Variants in RAB3GAP1 observed in about 807,000 individuals in gnomAD.
The protein encoded by RAB3GAP1 is rab3 GTPase-activating protein catalytic subunit.
A neutral mutation model predicts 130.7 loss-of-function variants in RAB3GAP1; 86 were observed. The ratio of observed to expected loss-of-function variants is 0.66; its 90% CI spans 0.55 to 0.79. The LOEUF (loss-of-function observed/expected upper bound fraction) is 0.79. Ranked by LOEUF, RAB3GAP1 falls within the 30% of genes least tolerant of loss-of-function variation. The pLI, the probability that RAB3GAP1 is intolerant of heterozygous loss-of-function variation, is 0.00. For synonymous variants in RAB3GAP1, 367 were observed against 401.7 expected (o/e 0.91, Z 1.03); for missense variants, 1,029 against 1,169.4 (o/e 0.88, Z 1.75).
At chr2:135,093,474 C>T (rs1299906245) in intron 4 of RAB3GAP1, 141 bp from the exon 5 acceptor site, 2 of 675,170 alleles carry the variant, frequency 3.0e-6, no homozygotes, top group Non-Finnish European at 5.3e-6. Context: ...TCCCTGTACT[C>T]AAGAGCTATC....
At chr2:135,117,741 TCTTCTTCTGCTTCTGCTTCTTCTGCTG>T (rs1691062743) in intron 7 of RAB3GAP1, among the ~76,000 whole-genome samples, 2 of 63,786 alleles carry the variant, frequency 3.1e-5, no homozygotes, top group Non-Finnish European at 7.4e-5. Context: ...TTCTTCTGCT[TCTTCTTCTGCTTCTGCTTCTTCTGCTG>T]CTTCTTCTGC....
intron 17 of RAB3GAP1, among the ~76,000 whole-genome samples, chr2:135,144,003 T>C (rs1023247454): frequency 2.0e-5 from 3 of 152,226 alleles, no homozygotes; most frequent in Non-Finnish European, 4.4e-5. Context: ...CTTTGCCCGC[T>C]GGGGCCCTCT....
At position 135,135,739 on chromosome 2, in the gene RAB3GAP1, C is replaced by T. The variant is rs1573584737; in HGVS notation, c.1730C>T (p.Ser577Phe). Reference sequence around the variant, plus strand: ...GGAGAGGTAGGAAAATCTTGGGATTCCTGGAGTGACAGCGAAGAAGAATTT... The same window carrying T: ...GGAGAGGTAGGAAAATCTTGGGATTTCTGGAGTGACAGCGAAGAAGAATTT... ...EKGEVGKSWD[S>F]WSDSEEEFFE... The change falls in exon 17 of 24, where the codon TCC (serine) becomes TTC (phenylalanine). Residue 577 changes from serine (S) to phenylalanine (F), a missense_variant. By Grantham distance (155) the Ser-to-Phe change is radical. Around this residue, in one of 3 missense-constraint regions of RAB3GAP1, gnomAD observed 373 missense variants for 493.6 expected, o/e 0.76. Coordinates refer to ENST00000264158, the MANE Select transcript of RAB3GAP1 (RefSeq NM_012233.3). 4 of 1,613,852 alleles carry T rather than the reference C, an allele frequency of 2.5e-6. No homozygotes were observed. The highest frequency in any genetic ancestry group is 2.2e-5 in the East Asian group (1 of 44,860).
rs1424938872 is a variant in RAB3GAP1 at position 135,081,355 on chromosome 2, TATATATACACAC to T, written c.151-9641_151-9630del. On this transcript the variant is annotated intron_variant, in intron 3 of 23. Coordinates refer to ENST00000264158, the MANE Select transcript of RAB3GAP1 (RefSeq NM_012233.3). ...ATATATATATATATATATATATATA[TATATATACACAC>T]ACGTGTGTGTGTGTATATATATATG... 3.4e-5 allele frequency among the ~76,000 whole-genome samples: 3 copies of T among 88,948 alleles called. 1 individual carries two copies. The highest frequency in any genetic ancestry group is 1.7e-4 in the African/African-American group (3 of 17,458). The allele number at this position is 88,948 out of a possible 152,430, so 58.4% of individuals were successfully genotyped here. A position where few individuals can be genotyped will look rare whatever the true frequency, so the allele number is the denominator to read the frequency against.
chr2:135,156,207 C>T (rs1194526483), intron 19 of RAB3GAP1, among the ~76,000 whole-genome samples: 1 of 152,018 alleles, frequency 6.6e-6, no homozygotes, highest in East Asian at 1.9e-4. Context: ...GGAACTGCCA[C>T]ATTAAAAAGA....
intron 19 of RAB3GAP1, among the ~76,000 whole-genome samples, chr2:135,157,058 G>T (rs1489270217): frequency 6.6e-6 from 1 of 152,036 alleles, no homozygotes; most frequent in East Asian, 1.9e-4. Flanking sequence ...AAAACAAAAC[G>T]CTCCTCAAAA....
At chr2:135,149,378 C>T (rs750034416) in intron 17 of RAB3GAP1, among the ~76,000 whole-genome samples, 9 of 152,136 alleles carry the variant, frequency 5.9e-5, no homozygotes, top group Admixed American at 2.0e-4. Flanking sequence ...TAGTATCTAT[C>T]GAGCATGTGC....
chr2:135,164,549 G>C (rs373627059), intron 22 of RAB3GAP1, 45 bp from the exon 23 acceptor site: 2 of 1,473,024 alleles, frequency 1.4e-6, no homozygotes, highest in Admixed American at 3.4e-5. Flanking sequence ...CAGTGGCCTG[G>C]ACAGCTCACT....
intron 2 of RAB3GAP1, among the ~76,000 whole-genome samples, chr2:135,052,914 G>A (rs1688920000): frequency 6.6e-6 from 1 of 152,180 alleles, no homozygotes; most frequent in Admixed American, 6.5e-5. Flanking sequence ...CCCTTTTCAG[G>A]AGGAAGTCTT....
At chr2:135,059,397 A>C (rs1290922335) in intron 3 of RAB3GAP1, among the ~76,000 whole-genome samples, 2 of 152,164 alleles carry the variant, frequency 1.3e-5, no homozygotes, top group Non-Finnish European at 2.9e-5. Flanking sequence ...AGTACCTGCT[A>C]TGTGCCTGAT....
At chr2:135,088,560 A>G (rs1690050805) in intron 3 of RAB3GAP1, among the ~76,000 whole-genome samples, 1 of 151,992 alleles carries the variant, frequency 6.6e-6, no homozygotes, top group Non-Finnish European at 1.5e-5. Flanking sequence ...GTGGTGGTGC[A>G]TGCCTGTAAT....
chr2:135,075,471 A>G (rs1689605253), intron 3 of RAB3GAP1, among the ~76,000 whole-genome samples: 1 of 152,166 alleles, frequency 6.6e-6, no homozygotes, highest in Non-Finnish European at 1.5e-5. Context: ...CATGTTTGCA[A>G]GATAGAACAT....
chr2:135,054,595 T>G (rs1688961885), intron 2 of RAB3GAP1, among the ~76,000 whole-genome samples: 1 of 152,190 alleles, frequency 6.6e-6, no homozygotes, highest in South Asian at 2.1e-4. Context: ...GTGAGAAGAT[T>G]TGAACCTGTT....
intron 3 of RAB3GAP1, chr2:135,058,870 G>C (rs990872327): frequency 2.0e-5 from 3 of 152,054 alleles, no homozygotes; most frequent in African/African-American, 7.2e-5. Flanking sequence ...TACTAACTCA[G>C]TGATAACTTA....
In RAB3GAP1 at chr2:135,135,144, T is replaced by C. The variant is rs1573583925; in HGVS notation, c.1500-121T>C. On this transcript the variant is annotated intron_variant, in intron 15 of 23. Transcript: ENST00000264158. ...CTCTGGAATTCACTTACCTTACCTG[T>C]GGAAATCTAGTTTTGATTTCTTATC... 13 of 806,382 alleles carry C rather than the reference T, an allele frequency of 1.6e-5. No individual in the cohort carries two copies. In the Admixed American group the frequency reaches 2.5e-4, roughly 16 times the overall value. 50.0% of individuals were successfully genotyped at this position (806,382 alleles called of 1,614,324 possible).
intron 17 of RAB3GAP1, among the ~76,000 whole-genome samples, chr2:135,149,623 T>G (rs1015404329): frequency 2.6e-5 from 4 of 152,118 alleles, no homozygotes; most frequent in African/African-American, 9.7e-5. Flanking sequence ...AAATAAAAAC[T>G]CATAGTTTTA....
Position 135,052,298 on chromosome 2 carries a change from G to A in RAB3GAP1, c.-10G>A. ...CGGCAGCCTTAGCGCCAGGCCCGGC[G>A]CTCCTCAAGATGGCTGCCGACAGTG... On this transcript the variant is annotated 5_prime_UTR_variant, in exon 1 of 24. Transcript: ENST00000264158. 1 of 1,613,374 alleles carries A rather than the reference G, an allele frequency of 6.2e-7. No individual in the cohort carries two copies. The highest frequency in any genetic ancestry group is 8.5e-7 in the Non-Finnish European group (1 of 1,180,022).
chr2:135,134,941 G>C (rs1175588966), intron 15 of RAB3GAP1, among the ~76,000 whole-genome samples: 1 of 152,204 alleles, frequency 6.6e-6, no homozygotes, highest in East Asian at 1.9e-4. Context: ...GTGAAATACT[G>C]TATGCTAGTA....
In RAB3GAP1 at chr2:135,112,824, TCTCTCTCTCTCACA is replaced by T. The variant is rs1300198367; in HGVS notation, c.363-325_363-312del. Among the ~76,000 whole-genome samples, 46 of 136,994 alleles carry T rather than the reference TCTCTCTCTCTCACA, an allele frequency of 3.4e-4. No individual in the cohort carries two copies. In the East Asian group the frequency reaches 6.2e-3, roughly 19 times the overall value. The allele number at this position is 136,994 out of a possible 152,430, so 89.9% of individuals were successfully genotyped here. On this transcript the variant is annotated intron_variant, in intron 5 of 23. Coordinates refer to ENST00000264158, the MANE Select transcript of RAB3GAP1 (RefSeq NM_012233.3). ...ATTTACAACTGTCAAAGTCTCTCTCTCTCTCTCTCTCACACACACACACACACACACACACACAC... is the reference window on the plus strand; with the variant it reads ...ATTTACAACTGTCAAAGTCTCTCTCTCACACACACACACACACACACACAC...
Sources: gnomAD v4.1 joint callset for allele counts (sites outside exome capture counted in the v4.1 genomes callset) on GRCh38, gnomAD v4.1.1 for gene constraint, gnomAD v4.1.1 regional missense constraint, MANE v1.5 for transcripts, NCBI Gene and HGNC (gene_info 2026-07-23, HGNC 2026-07-21) for gene names.